TTLL5: variants seen among roughly 807,000 people sequenced by gnomAD.
TTLL5 encodes tubulin tyrosine ligase like 5, also known as tubulin polyglutamylase TTLL5.
A neutral mutation model predicts 168.4 loss-of-function variants in TTLL5; 132 were observed. The observed-to-expected ratio is 0.78, with a 90% CI of 0.68 to 0.91. The LOEUF is 0.91. Ranked by LOEUF, TTLL5 falls within the 40% of genes least tolerant of loss-of-function variation. The probability of loss-of-function intolerance (pLI) is 0.00; values close to 1 mark genes in which losing one functional copy is unlikely to be tolerated. For missense variants in TTLL5, 1,545 were observed against 1,581.5 expected, an observed-to-expected ratio of 0.98 and a Z score of 0.39; for synonymous variants, 546 against 558.6, an observed-to-expected ratio of 0.98 and a Z score of 0.32.
intron 29 of TTLL5, among the ~76,000 whole-genome samples, chr14:75,868,905 G>A (rs934130952): frequency 1.4e-4 from 21 of 152,080 alleles, no homozygotes; most frequent in East Asian, 1.9e-4. Context: ...GCTCCTCAGC[G>A]TGGCACAAAG....
chr14:75,757,768 TGAACTTAA>T (rs1285200107), intron 18 of TTLL5: 1 of 1,462,178 alleles, frequency 6.8e-7, no homozygotes, highest in Non-Finnish European at 9.1e-7. Context: ...CATGTGTGTG[TGAACTTAA>T]GAGAGACTAC....
At chr14:75,903,962 A>T in intron 31 of TTLL5, 1 of 396,808 alleles carries the variant, frequency 2.5e-6, no homozygotes, top group Non-Finnish European at 3.5e-6. Flanking sequence ...TGTATCTCAT[A>T]AGGCTTATAG....
At chr14:75,671,983 C>T (rs998044583) in intron 3 of TTLL5, among the ~76,000 whole-genome samples, 2 of 152,164 alleles carry the variant, frequency 1.3e-5, no homozygotes, top group South Asian at 2.1e-4. Context: ...TCTGTCATTG[C>T]GTATGATACT....
At chr14:75,706,091 C>T (rs1177663525) in intron 7 of TTLL5, among the ~76,000 whole-genome samples, 1 of 152,128 alleles carries the variant, frequency 6.6e-6, no homozygotes, top group African/African-American at 2.4e-5. Flanking sequence ...GGGCTTGGTG[C>T]GTGCCATCTT....
chr14:75,839,591 T>A (rs1896106352), intron 28 of TTLL5, among the ~76,000 whole-genome samples: 1 of 152,160 alleles, frequency 6.6e-6, no homozygotes, highest in Non-Finnish European at 1.5e-5. Flanking sequence ...AAATGCCAGA[T>A]GCTTACAAAA....
Position 75,779,630 on chromosome 14 carries a change from A to T in TTLL5, c.2443A>T (p.Ser815Cys), listed in dbSNP as rs1398857029. The T allele has an allele frequency of 1.2e-6, 2 of 1,613,810 alleles. No individual in the cohort carries two copies. The highest frequency in any genetic ancestry group is 4.5e-5 in the East Asian group (2 of 44,870). The change falls in exon 24 of 32, where the codon AGT becomes TGT. Residue 815 changes from serine (S) to cysteine (C), a missense_variant. Physicochemically the swap from Ser to Cys is moderately radical, Grantham distance 112. Transcript: ENST00000298832. Reference protein sequence around the residue: ...TFYTQKNKSASVFLGTHSKIS... With the variant: ...TFYTQKNKSACVFLGTHSKIS... ...TTATACCCAAAAGAACAAGTCTGCT[A>T]GTGTCTTCCTGGGGACTCACTCTAA...
intron 27 of TTLL5, among the ~76,000 whole-genome samples, chr14:75,802,951 G>C (rs1451449602): frequency 1.3e-5 from 2 of 152,210 alleles, no homozygotes; most frequent in Non-Finnish European, 2.9e-5. Flanking sequence ...ACTCACTTGT[G>C]CATATGTAGC....
intron 5 of TTLL5, among the ~76,000 whole-genome samples, chr14:75,687,472 T>G (rs1289310172): frequency 6.6e-6 from 1 of 151,930 alleles, no homozygotes; most frequent in Non-Finnish European, 1.5e-5. Flanking sequence ...CGGGGTTTCA[T>G]CGTGTTGGTC....
chr14:75,867,959 G>A (rs531549969), intron 29 of TTLL5, among the ~76,000 whole-genome samples: 1 of 152,288 alleles, frequency 6.6e-6, no homozygotes, highest in South Asian at 2.1e-4. Flanking sequence ...CTGAGTCGGG[G>A]ACTTTCTTGG....
intron 31 of TTLL5, among the ~76,000 whole-genome samples, chr14:75,920,492 A>G (rs553176971): frequency 6.6e-6 from 1 of 152,258 alleles, no homozygotes; most frequent in South Asian, 2.1e-4. Flanking sequence ...GAATGAGAAC[A>G]TGCGGTGTTT....
intron 31 of TTLL5, among the ~76,000 whole-genome samples, chr14:75,947,198 T>C (rs1166594832): frequency 2.0e-5 from 3 of 152,132 alleles, no homozygotes; most frequent in African/African-American, 7.2e-5. Context: ...CAACCAGAAA[T>C]AGTTATATTG....
rs773960556 is a variant in TTLL5, at chr14:75,902,208, C to T, written c.3807C>T (p.Pro1269=). ...QSSLNPAAFV[P]ITSSTDPAHT... is the part of the protein sequence containing the mutation. ...GCCTTAACCCTGCAGCCTTTGTGCC[C>T]ATCACCAGCTCTACAGGTTAGTGGG... The change falls in exon 31 of 32, where the codon CCC becomes CCT. Residue 1269 remains proline, a synonymous_variant. Transcript: ENST00000298832. The T allele has an allele frequency of 6.8e-6, 11 of 1,614,162 alleles. No homozygotes were observed. Among genetic ancestry groups the T allele is most frequent in the South Asian group, 6.6e-5 (6 of 91,084 alleles).
At chr14:75,721,601 T>C (rs1887841109) in intron 12 of TTLL5, among the ~76,000 whole-genome samples, 1 of 152,162 alleles carries the variant, frequency 6.6e-6, no homozygotes, top group Admixed American at 6.6e-5. Flanking sequence ...TGTATATCCA[T>C]ATCTAGTTTT....
intron 27 of TTLL5, among the ~76,000 whole-genome samples, chr14:75,797,432 C>G (rs1893054896): frequency 6.6e-6 from 1 of 152,074 alleles, no homozygotes; most frequent in African/African-American, 2.4e-5. Flanking sequence ...ATTGCTTTGG[C>G]TAGGACTTCC....
intron 30 of TTLL5, among the ~76,000 whole-genome samples, chr14:75,890,264 A>T (rs2032335999): frequency 6.6e-6 from 1 of 152,242 alleles, no homozygotes; most frequent in Non-Finnish European, 1.5e-5. Context: ...AAGGAACCAT[A>T]AAACAAAGCT....
chr14:75,817,830 C>CTTTTTTTTTTTTTTTTTTTTTTTT lies in TTLL5; in HGVS notation c.3172-2175_3172-2152dup, dbSNP rs1045988787. ...ACCATTCTTTCTTTTCTTTTCTTTTCTTTTTTTTTTTTTTTTTTTTTTTTT... is the reference window on the plus strand; with the variant it reads ...ACCATTCTTTCTTTTCTTTTCTTTTCTTTTTTTTTTTTTTTTTTTTTTTTTTTTTTTTTTTTTTTTTTTTTTTTT... On this transcript the variant is annotated intron_variant, in intron 27 of 31. Transcript: ENST00000298832. Among the ~76,000 whole-genome samples, 18 of 83,868 alleles carry CTTTTTTTTTTTTTTTTTTTTTTTT rather than the reference C, an allele frequency of 2.1e-4. 1 individual carries two copies. The highest frequency in any genetic ancestry group is 2.6e-4 in the Non-Finnish European group (12 of 46,504). The allele number at this position is 83,868 out of a possible 152,430, so 55.0% of individuals were successfully genotyped here.
chr14:75,896,054 TCCTGAGTG>T (rs947073073), intron 30 of TTLL5, among the ~76,000 whole-genome samples: 12 of 152,030 alleles, frequency 7.9e-5, no homozygotes, highest in Non-Finnish European at 1.6e-4. Flanking sequence ...TAAAATGGAG[TCCTGAGTG>T]CCTTTACTGC....
intron 15 of TTLL5, among the ~76,000 whole-genome samples, chr14:75,742,918 A>C (rs1889360845): frequency 6.6e-6 from 1 of 152,214 alleles, no homozygotes; most frequent in Admixed American, 6.5e-5. Context: ...AAATCTTTCA[A>C]CTTTCCCCTA....
chr14:75,892,453 C>T (rs763654913), intron 30 of TTLL5, among the ~76,000 whole-genome samples: 1 of 152,230 alleles, frequency 6.6e-6, no homozygotes, highest in Non-Finnish European at 1.5e-5. Flanking sequence ...TAAAGCCACG[C>T]TCATTACTTG....
Sources: gnomAD v4.1 joint callset for allele counts (sites outside exome capture counted in the v4.1 genomes callset) on GRCh38, gnomAD v4.1.1 for gene constraint, MANE v1.5 for transcripts, NCBI Gene and HGNC (gene_info 2026-07-23, HGNC 2026-07-21) for gene names.